The following ERICH1 variants were observed in gnomAD, a reference collection of about 807,000 sequenced individuals.
ERICH1 encodes the protein glutamate rich 1.
In ERICH1, 56 loss-of-function variants were observed where a neutral mutation model predicts 39.6. That is an observed-to-expected ratio of 1.41 (90% confidence interval 1.14 to 1.77). ERICH1 has a LOEUF of 1.77. Among genes scored for constraint, ERICH1 ranks in the 40% most tolerant of loss-of-function variants. The pLI, the probability that ERICH1 is intolerant of heterozygous loss-of-function variation, is 0.00. For missense variants in ERICH1, 826 were observed against 575.4 expected (o/e 1.44, Z -4.45); for synonymous variants, 313 against 223.6 (o/e 1.40, Z -3.57).
chr8:651,752 T>C (rs1799977471), intron 3 of ERICH1, among the ~76,000 whole-genome samples: 1 of 144,846 alleles, frequency 6.9e-6, no homozygotes, highest in South Asian at 2.2e-4. Flanking sequence ...AGAGAGAGGC[T>C]GAGACGGAGC....
chr8:715,901 G>A lies in ERICH1; in HGVS notation c.129C>T (p.Thr43=). The stretch of plus-strand genomic sequence containing the variant: ...CATGTTTCTGGCTCACTTTCTCAGA[G>A]GTCACTTTCTTTGGTGGATTTTGGA... ...LAVQNPPKKV[T]SEKVSQKHAE... The change falls in exon 2 of 6, where the codon ACC becomes ACT. Residue 43 remains threonine, a synonymous_variant. Coordinates refer to ENST00000262109, the MANE Select transcript of ERICH1 (RefSeq NM_207332.3). The A allele has an allele frequency of 6.2e-7, 1 of 1,613,922 alleles. No homozygotes were observed. The highest frequency in any genetic ancestry group is 1.1e-5 in the South Asian group (1 of 91,016).
At position 702,159 on chromosome 8, in the gene ERICH1, G is replaced by A. The variant is rs556859487; in HGVS notation, c.170-9547C>T. On this transcript the variant is annotated intron_variant, in intron 2 of 5. Transcript: ENST00000262109. ...GGCTTTGAAGCATCTAAAGAACCCC[G>A]GAAATTGGTAAGACAAGCTCCGCAG... Among the ~76,000 whole-genome samples the A allele has an allele frequency of 3.2e-4, 48 of 151,230 alleles. 1 individual carries two copies. Among genetic ancestry groups the A allele is most frequent in the African/African-American group, 1.0e-3 (43 of 41,154 alleles).
intron 3 of ERICH1, chr8:686,715 C>G (rs1807475370): frequency 6.6e-6 from 1 of 152,314 alleles, no homozygotes; most frequent in Non-Finnish European, 1.5e-5. Flanking sequence ...TCTCATCCCA[C>G]TTGTGGGTAG....
chr8:704,125 C>G (rs530048290), intron 2 of ERICH1, among the ~76,000 whole-genome samples: 50 of 152,286 alleles, frequency 3.3e-4, no homozygotes, highest in African/African-American at 1.2e-3. Flanking sequence ...ATCCTACACC[C>G]CGAAAAACTT....
At chr8:637,450 G>C (rs567173634) in intron 3 of ERICH1, 4 of 152,372 alleles carry the variant, frequency 2.6e-5, no homozygotes, top group African/African-American at 7.2e-5. Flanking sequence ...AGGGCAGCTC[G>C]CCACTCCTGG....
chr8:674,332 T>G (rs1442136656), intron 3 of ERICH1, among the ~76,000 whole-genome samples: 1 of 141,752 alleles, frequency 7.1e-6, no homozygotes, highest in East Asian at 2.3e-4. Context: ...ACACAGACTC[T>G]TACTTTGCTG....
At chr8:726,966 C>T (rs1818895101) in intron 1 of ERICH1, among the ~76,000 whole-genome samples, 1 of 133,328 alleles carries the variant, frequency 7.5e-6, no homozygotes, top group South Asian at 2.1e-4. Flanking sequence ...CATACACATG[C>T]ACACACGTAC....
chr8:649,915 C>T (rs1354592187), intron 3 of ERICH1, among the ~76,000 whole-genome samples: 1 of 152,192 alleles, frequency 6.6e-6, no homozygotes, highest in Non-Finnish European at 1.5e-5. Context: ...CGTGACAGGA[C>T]CGGGCCTGGG....
At chr8:686,456 A>C (rs1174571976) in intron 3 of ERICH1, among the ~76,000 whole-genome samples, 2 of 64,718 alleles carry the variant, frequency 3.1e-5, no homozygotes, top group Admixed American at 1.9e-4. Context: ...GCTAAAAAAA[A>C]AAAAAAAAAC....
intron 3 of ERICH1, among the ~76,000 whole-genome samples, chr8:654,041 G>A (rs913274304): frequency 3.9e-5 from 6 of 152,246 alleles, no homozygotes; most frequent in African/African-American, 1.4e-4. Flanking sequence ...CCAGGTGCAG[G>A]GAGGGGTTGC....
chr8:620,700 A>T (rs773179728), intron 3 of ERICH1, among the ~76,000 whole-genome samples: 3 of 152,244 alleles, frequency 2.0e-5, no homozygotes, highest in Non-Finnish European at 2.9e-5. Context: ...AATGTTACTA[A>T]AGACAAACAC....
intron 3 of ERICH1, among the ~76,000 whole-genome samples, chr8:617,828 C>A (rs543730358): frequency 6.7e-6 from 1 of 150,320 alleles, no homozygotes; most frequent in East Asian, 2.0e-4. Flanking sequence ...AGTGTTCCAT[C>A]TGTCCTCACT....
chr8:695,310 C>T (rs1047697680), intron 2 of ERICH1, among the ~76,000 whole-genome samples: 4 of 152,042 alleles, frequency 2.6e-5, no homozygotes, highest in Non-Finnish European at 4.4e-5. Flanking sequence ...TCCCTCTCCC[C>T]ACAGCCCTTG....
rs1332721051 is a variant in ERICH1, at chr8:675,157, GTGAGGACAGAGAC to G, written c.305-1123_305-1111del. ...GAGGACAGAGACGCGGCGGCCCCTCGTGAGGACAGAGACGCGGCGGCCCCTCGTGAGGACAGAG... is the reference window on the plus strand; with the variant it reads ...GAGGACAGAGACGCGGCGGCCCCTCGGCGGCGGCCCCTCGTGAGGACAGAG... On this transcript the variant is annotated intron_variant, in intron 3 of 5. Coordinates refer to ENST00000262109, the MANE Select transcript of ERICH1 (RefSeq NM_207332.3). 1.1e-3 allele frequency among the ~76,000 whole-genome samples: 63 copies of G among 58,966 alleles called. 1 individual carries two copies. The highest frequency in any genetic ancestry group is 2.1e-3 in the Non-Finnish European group (42 of 20,298). 38.7% of individuals were successfully genotyped at this position (58,966 alleles called of 152,430 possible).
intron 3 of ERICH1, among the ~76,000 whole-genome samples, chr8:620,981 C>T (rs184199149): frequency 6.6e-6 from 1 of 152,200 alleles, no homozygotes; most frequent in South Asian, 2.1e-4. Flanking sequence ...CTCAAGTACA[C>T]ATAAAACGTT....
intron 1 of ERICH1, among the ~76,000 whole-genome samples, chr8:724,601 G>A (rs1342544830): frequency 2.0e-5 from 3 of 152,162 alleles, no homozygotes; most frequent in Non-Finnish European, 4.4e-5. Context: ...GCTAAAACAC[G>A]CTGAGAGGTC....
At position 646,037 on chromosome 8, in the gene ERICH1, G is replaced by A. The variant is rs1244067006; in HGVS notation, c.976+22561C>T. 5.7e-5 allele frequency among the ~76,000 whole-genome samples: 4 copies of A among 70,154 alleles called. 2 individuals carry two copies. Among genetic ancestry groups the A allele is most frequent in the Non-Finnish European group, 1.8e-4 (4 of 22,150 alleles). The allele number at this position is 70,154 out of a possible 152,430, so 46.0% of individuals were successfully genotyped here. A position where few individuals can be genotyped will look rare whatever the true frequency, so the allele number is the denominator to read the frequency against. On this transcript the variant is annotated intron_variant, in intron 3 of 3. Transcript: ENST00000522706. ...TTACTCCAGGATGAAATGCAGTGGAGAAACATGGATTGTTTAATTAAAGCA... is the reference window on the plus strand; with the variant it reads ...TTACTCCAGGATGAAATGCAGTGGAAAAACATGGATTGTTTAATTAAAGCA...
At chr8:704,574 A>G (rs1009368310) in intron 2 of ERICH1, among the ~76,000 whole-genome samples, 3 of 152,210 alleles carry the variant, frequency 2.0e-5, no homozygotes, top group African/African-American at 7.2e-5. Flanking sequence ...TCAGCAAGAA[A>G]CGGTGTTTAC....
intron 3 of ERICH1, among the ~76,000 whole-genome samples, chr8:625,159 T>G (rs1797531521): frequency 6.6e-6 from 1 of 152,168 alleles, no homozygotes; most frequent in African/African-American, 2.4e-5. Flanking sequence ...CTACATGAGA[T>G]TTGGGTGGGG....
Sources: gnomAD v4.1 joint callset for allele counts (sites outside exome capture counted in the v4.1 genomes callset) on GRCh38, gnomAD v4.1.1 for gene constraint, MANE v1.5 for transcripts, NCBI Gene and HGNC (gene_info 2026-07-23, HGNC 2026-07-21) for gene names.